The following VIRMA variants were observed in gnomAD, a reference collection of about 807,000 sequenced individuals.
VIRMA encodes the protein protein virilizer homolog.
VIRMA carries 65 observed loss-of-function variants against 182.4 expected under a neutral mutation model. The observed-to-expected ratio is 0.36, with a 90% CI of 0.29 to 0.44. The LOEUF (loss-of-function observed/expected upper bound fraction) is 0.44. Ranked by LOEUF, VIRMA falls within the 20% of genes least tolerant of loss-of-function variation. VIRMA has a pLI of 1.00. For synonymous variants in VIRMA, 709 were observed against 743.1 expected (o/e 0.95, Z 0.75); for missense variants, 1,752 against 2,158.1 (o/e 0.81, Z 3.73).
At chr8:94,552,964 G>A (rs903146352) in intron 1 of VIRMA, among the ~76,000 whole-genome samples, 2 of 152,166 alleles carry the variant, frequency 1.3e-5, no homozygotes, top group South Asian at 4.1e-4. Context: ...CAAAGAGAAA[G>A]GATTTAGAAA....
At chr8:94,508,325 C>G (rs890631864) in intron 15 of VIRMA, among the ~76,000 whole-genome samples, 5 of 152,102 alleles carry the variant, frequency 3.3e-5, no homozygotes, top group Admixed American at 1.3e-4. Context: ...ATCTCGTGAT[C>G]CACCCATCTC....
In VIRMA at chr8:94,488,753, T is replaced by C. The variant is rs778065714; in HGVS notation, c.5392A>G (p.Ser1798Gly). Residue 1798 changes from serine to glycine, a missense_variant, in exon 24 of 24, where the codon AGT becomes GGT. This residue lies in a region of VIRMA where 132 missense variants were observed against 173.8 expected (regional missense o/e 0.76). Transcript: ENST00000297591. ...TGACGACCTCTACCACTGCCTCCAC[T>C]AACAAACTTTCCTCTTGAGCCTCCA... Reference protein sequence around the residue: ...GSGGSRGKFVSGGSGRGRHVR... With the variant: ...GSGGSRGKFVGGGSGRGRHVR... 1 of 1,614,202 alleles carries C rather than the reference T, an allele frequency of 6.2e-7. No individual in the cohort carries two copies. The highest frequency in any genetic ancestry group is 8.5e-7 in the Non-Finnish European group (1 of 1,180,036).
Position 94,532,911 on chromosome 8 carries a change from T to C in VIRMA, c.485-1826A>G, listed in dbSNP as rs566060052. 7.2e-5 allele frequency among the ~76,000 whole-genome samples: 11 copies of C among 152,186 alleles called. 1 individual carries two copies. In the South Asian group the frequency reaches 2.3e-3, roughly 32 times the overall value. On this transcript the variant is annotated intron_variant, in intron 5 of 23. Transcript: ENST00000297591. ...AGGATTACGACGTTACAGTGAGCTA[T>C]GATCAGGCCACTGCACTCCAGCCTG...
chr8:94,541,352 G>A lies in VIRMA; in HGVS notation c.179+2475C>T, dbSNP rs147819889. On this transcript the variant is annotated intron_variant, in intron 2 of 23. Transcript: ENST00000297591. ...TGGTCTCAAGTGATCCTCCTGCCTC[G>A]GCCTCCCAAAGTGCTGGGATTAGAG... is the stretch of plus-strand genomic sequence containing the variant. 7.9e-4 allele frequency among the ~76,000 whole-genome samples: 119 copies of A among 151,040 alleles called. No homozygotes were observed. In the East Asian group the frequency reaches 0.016, roughly 21 times the overall value.
intron 4 of VIRMA, among the ~76,000 whole-genome samples, chr8:94,536,606 C>T (rs1031999137): frequency 5.3e-5 from 8 of 152,154 alleles, no homozygotes; most frequent in African/African-American, 1.9e-4. Flanking sequence ...GAAGAAAGAG[C>T]TTTATAGGTA....
chr8:94,491,414 T>C (rs1256298100), intron 22 of VIRMA, among the ~76,000 whole-genome samples, 164 bp downstream of exon 22: 2 of 152,176 alleles, frequency 1.3e-5, no homozygotes, highest in Non-Finnish European at 2.9e-5. Flanking sequence ...TTCTTTCTTC[T>C]ATCCAATAGA....
intron 8 of VIRMA, among the ~76,000 whole-genome samples, chr8:94,520,190 A>AG (rs1437561383): frequency 1.3e-5 from 2 of 149,812 alleles, no homozygotes; most frequent in Non-Finnish European, 3.0e-5. Flanking sequence ...TGCATCAAAA[A>AG]AAAAAAAAAA....
intron 14 of VIRMA, 24 bp downstream of exon 14, chr8:94,510,393 A>G (rs777624417): frequency 1.9e-6 from 3 of 1,584,414 alleles, no homozygotes; most frequent in Admixed American, 3.4e-5. Context: ...TGAGGAAAAA[A>G]TTTTTAATGC....
intron 22 of VIRMA, among the ~76,000 whole-genome samples, chr8:94,490,861 C>G (rs1214263728): frequency 6.6e-6 from 1 of 151,618 alleles, no homozygotes; most frequent in East Asian, 1.9e-4. Context: ...AAAAAAAAAT[C>G]TTGTAACAAT....
intron 13 of VIRMA, 194 bp from the exon 14 acceptor site, chr8:94,510,846 G>A: frequency 1.3e-6 from 1 of 783,662 alleles, no homozygotes. Context: ...CAGGTTAGCA[G>A]TTAGTTGAGC....
intron 8 of VIRMA, among the ~76,000 whole-genome samples, chr8:94,525,673 A>T (rs190071933): frequency 2.6e-4 from 39 of 152,352 alleles, no homozygotes; most frequent in Non-Finnish European, 2.1e-4. Flanking sequence ...GGTAAGAAAG[A>T]AAGTCTCAAA....
intron 15 of VIRMA, 77 bp from the exon 16 acceptor site, chr8:94,506,794 G>A (rs1313978655): frequency 3.7e-6 from 3 of 805,082 alleles, no homozygotes; most frequent in Non-Finnish European, 6.1e-6. Context: ...GAAATACATA[G>A]CAATTAATAT....
intron 1 of VIRMA, among the ~76,000 whole-genome samples, chr8:94,550,338 G>A (rs990583701): frequency 6.6e-6 from 1 of 151,016 alleles, no homozygotes; most frequent in African/African-American, 2.4e-5. Context: ...TGTCACCCAG[G>A]CTGGAGTGCA....
chr8:94,514,077 ACTCT>A (rs36005087), intron 11 of VIRMA, among the ~76,000 whole-genome samples: 64 of 151,964 alleles, frequency 4.2e-4, no homozygotes, highest in Non-Finnish European at 7.1e-4. Flanking sequence ...TGGCTTATAT[ACTCT>A]CTCTCTCTCA....
chr8:94,510,306 T>A (rs1814318213), intron 14 of VIRMA, 111 bp downstream of exon 14: 1 of 717,476 alleles, frequency 1.4e-6, no homozygotes, highest in South Asian at 1.8e-5. Context: ...TATATTTACA[T>A]GTATATATGT....
chr8:94,528,126 CA>C (rs1815036448), intron 7 of VIRMA, among the ~76,000 whole-genome samples: 1 of 150,256 alleles, frequency 6.7e-6, no homozygotes, highest in African/African-American at 2.5e-5. Flanking sequence ...CCCAGCTACT[CA>C]GATGGCTGAG....
intron 1 of VIRMA, chr8:94,546,911 T>G (rs547292415): frequency 2.2e-6 from 1 of 455,636 alleles, no homozygotes; most frequent in African/African-American, 2.0e-5. Flanking sequence ...GGCTTCTTTA[T>G]TGCTCCAAAC....
chr8:94,549,505 CCAT>C (rs1815895976), intron 1 of VIRMA, among the ~76,000 whole-genome samples: 1 of 152,206 alleles, frequency 6.6e-6, no homozygotes, highest in Non-Finnish European at 1.5e-5. Flanking sequence ...CACACTCTTA[CCAT>C]CATTAGTCCC....
intron 1 of VIRMA, among the ~76,000 whole-genome samples, chr8:94,547,487 C>T (rs75749689): frequency 0.033 from 5,023 of 150,886 alleles, 146 homozygotes; most frequent in Middle Eastern, 0.051. Flanking sequence ...TCTTTCTACC[C>T]TCTCCTTTAG....
Sources: gnomAD v4.1 joint callset for allele counts (sites outside exome capture counted in the v4.1 genomes callset) on GRCh38, gnomAD v4.1.1 for gene constraint, gnomAD v4.1.1 regional missense constraint, MANE v1.5 for transcripts, NCBI Gene and HGNC (gene_info 2026-07-23, HGNC 2026-07-21) for gene names.